The following RABGAP1L variants were observed in gnomAD, a reference collection of about 807,000 sequenced individuals.
RABGAP1L encodes the protein RAB GTPase activating protein 1 like.
Under a neutral mutation model 137.7 loss-of-function variants are expected in RABGAP1L, and 63 were observed. The ratio of observed to expected loss-of-function variants is 0.46; its 90% CI spans 0.37 to 0.56. The LOEUF is 0.56. Ranked by LOEUF, RABGAP1L falls within the 20% of genes least tolerant of loss-of-function variation. RABGAP1L has a pLI of 0.00. For missense variants in RABGAP1L, 1,095 were observed against 1,244.0 expected (o/e 0.88, Z 1.80); for synonymous variants, 431 against 433.7 (o/e 0.99, Z 0.08).
At chr1:174,961,087 A>G (rs776123108) in intron 20 of RABGAP1L, among the ~76,000 whole-genome samples, 1 of 152,198 alleles carries the variant, frequency 6.6e-6, no homozygotes, top group Non-Finnish European at 1.5e-5. Flanking sequence ...TTGAAAGAAC[A>G]ATGTAGAATG....
intron 13 of RABGAP1L, among the ~76,000 whole-genome samples, chr1:174,522,424 C>T (rs1366915500): frequency 1.3e-5 from 2 of 151,986 alleles, no homozygotes; most frequent in Non-Finnish European, 2.9e-5. Flanking sequence ...AAAAACTTAG[C>T]TGGGCATGGT....
At chr1:174,796,706 G>A (rs368730381) in intron 18 of RABGAP1L, among the ~76,000 whole-genome samples, 6 of 152,186 alleles carry the variant, frequency 3.9e-5, no homozygotes, top group African/African-American at 1.2e-4. Context: ...AACTTGGTTT[G>A]CTCATTAAGA....
At chr1:174,607,773 C>CA (rs1197119397) in intron 13 of RABGAP1L, among the ~76,000 whole-genome samples, 1 of 152,174 alleles carries the variant, frequency 6.6e-6, no homozygotes. Flanking sequence ...ACATCCTCTT[C>CA]ATAAAGCATT....
intron 1 of RABGAP1L, among the ~76,000 whole-genome samples, chr1:174,174,883 C>T (rs991157464): frequency 2.0e-5 from 3 of 152,202 alleles, no homozygotes; most frequent in South Asian, 2.1e-4. Context: ...AAATGGCAGT[C>T]TCTTTGGGAA....
intron 11 of RABGAP1L, among the ~76,000 whole-genome samples, chr1:174,363,289 T>G (rs1184690894): frequency 6.6e-6 from 1 of 152,210 alleles, no homozygotes; most frequent in Non-Finnish European, 1.5e-5. Flanking sequence ...TCCATATGAA[T>G]TTTAAAATAG....
chr1:174,425,301 C>G (rs754724438), intron 13 of RABGAP1L, among the ~76,000 whole-genome samples: 24 of 151,948 alleles, frequency 1.6e-4, no homozygotes, highest in Non-Finnish European at 3.1e-4. Flanking sequence ...CATTTCAGAG[C>G]TCTCAAGAAC....
In RABGAP1L at chr1:174,448,752, C is replaced by A; in HGVS notation, c.1710+54607C>A. The A allele has an allele frequency of 1.9e-6, 3 of 1,613,766 alleles. No individual in the cohort carries two copies. Among genetic ancestry groups the A allele is most frequent in the Non-Finnish European group, 2.5e-6 (3 of 1,179,730 alleles). On this transcript the variant is annotated intron_variant, in intron 13 of 25. Transcript: ENST00000681986. The surrounding 1 kb of genome is among the most constrained non-coding windows in gnomAD (Gnocchi z 4.2). ...TTTATTGTTTGTTTACTTTATGCTC[C>A]TGCTGCCTTTGTTGTCTGCTTCACT...
chr1:174,221,294 G>T, intron 3 of RABGAP1L, 130 bp downstream of exon 3: 1 of 722,364 alleles, frequency 1.4e-6, no homozygotes, highest in Admixed American at 3.2e-5. Context: ...TTTCCACTTC[G>T]GTGTTATGTT....
rs193241341 is a variant in RABGAP1L, at chr1:174,873,494, C to G, written c.2340+61534C>G. Among the ~76,000 whole-genome samples, 7 of 148,964 alleles carry G rather than the reference C, an allele frequency of 4.7e-5. No individual in the cohort carries two copies. The Admixed American group carries it at 4.7e-4, about 10-fold the overall frequency. On this transcript the variant is annotated intron_variant, in intron 19 of 25. Coordinates refer to ENST00000681986, the MANE Select transcript of RABGAP1L (RefSeq NM_001366446.1). ...TAGGAAAAAGGTCTTGACTGCTACT[C>G]TCCTGAGTTGAGATAATTTTTTTTT...
chr1:174,814,158 A>G (rs1690145990), intron 19 of RABGAP1L, among the ~76,000 whole-genome samples: 1 of 152,184 alleles, frequency 6.6e-6, no homozygotes, highest in African/African-American at 2.4e-5. Context: ...AATGTTAGAA[A>G]ACAAGTTCAA....
At chr1:174,661,926 T>C (rs1381010492) in intron 14 of RABGAP1L, among the ~76,000 whole-genome samples, 3 of 152,184 alleles carry the variant, frequency 2.0e-5, no homozygotes, top group African/African-American at 7.2e-5. Context: ...TATACAATTA[T>C]GTACAGTAAA....
At chr1:174,390,827 C>T (rs1253837451) in intron 12 of RABGAP1L, among the ~76,000 whole-genome samples, 2 of 152,040 alleles carry the variant, frequency 1.3e-5, no homozygotes, top group South Asian at 2.1e-4. Context: ...CCCTGGAAAA[C>T]GACCAGGTTA....
chr1:174,702,250 T>C lies in RABGAP1L; in HGVS notation c.2163T>C (p.Leu721=). The part of the protein sequence containing the change: ...CMVFHIIDLL[L]CEGLNIIFHV... ...TGTTCCACATCATTGACTTACTGCTTTGTGAGGTAGAGTGACTCCCATCTT... is the reference window on the plus strand; with the variant it reads ...TGTTCCACATCATTGACTTACTGCTCTGTGAGGTAGAGTGACTCCCATCTT... The change falls in exon 17 of 26, where the codon CTT becomes CTC. Residue 721 remains leucine (L), a synonymous_variant. Transcript: ENST00000681986. 6.2e-7 allele frequency: 1 copy of C among 1,604,412 alleles called. No homozygotes were observed. Among genetic ancestry groups the C allele is most frequent in the South Asian group, 1.1e-5 (1 of 88,966 alleles).
At chr1:174,756,725 C>A (rs1437085670) in intron 18 of RABGAP1L, 3 of 295,546 alleles carry the variant, frequency 1.0e-5, no homozygotes, top group Non-Finnish European at 2.0e-5. Context: ...CCCAAAAGAC[C>A]CTGGAGTACA....
At chr1:174,731,311 A>G (rs966699767) in intron 17 of RABGAP1L, among the ~76,000 whole-genome samples, 7 of 152,182 alleles carry the variant, frequency 4.6e-5, no homozygotes, top group African/African-American at 1.7e-4. Flanking sequence ...GTGCATTCAC[A>G]AGCATTGCTG....
intron 19 of RABGAP1L, among the ~76,000 whole-genome samples, chr1:174,933,123 C>CATTT (rs1225453385): frequency 3.3e-5 from 5 of 151,382 alleles, no homozygotes; most frequent in African/African-American, 9.8e-5. Context: ...TACATTTATA[C>CATTT]ATACATACAT....
chr1:174,462,241 A>AT (rs1315926891), intron 13 of RABGAP1L, among the ~76,000 whole-genome samples: 1 of 152,188 alleles, frequency 6.6e-6, no homozygotes, highest in Non-Finnish European at 1.5e-5. Flanking sequence ...TTTATAAACT[A>AT]TTCTGCTATT....
chr1:174,394,230 T>C (rs1647539508), intron 13 of RABGAP1L, 85 bp downstream of exon 13: 4 of 1,468,346 alleles, frequency 2.7e-6, no homozygotes, highest in South Asian at 1.3e-5. Flanking sequence ...AAGTCATAAA[T>C]GCTTTGAACT....
chr1:174,390,144 T>C (rs1248428959), intron 12 of RABGAP1L, among the ~76,000 whole-genome samples: 1 of 152,226 alleles, frequency 6.6e-6, no homozygotes, highest in Non-Finnish European at 1.5e-5. Context: ...TAGGGTGCTG[T>C]ATGCAGTATA....
Sources: allele counts gnomAD v4.1 joint callset (sites outside exome capture counted in the v4.1 genomes callset), GRCh38; gene constraint gnomAD v4.1.1; non-coding constraint Gnocchi (gnomAD v3.1); transcripts MANE v1.5; gene names NCBI Gene and HGNC (gene_info 2026-07-23, HGNC 2026-07-21).